RPL24: variants seen among roughly 807,000 people sequenced by gnomAD.
RPL24 encodes the protein ribosomal protein L24, also known as large ribosomal subunit protein eL24.
Under a neutral mutation model 26.4 loss-of-function variants are expected in RPL24, and 7 were observed. The ratio of observed to expected loss-of-function variants is 0.27; its 90% confidence interval spans 0.15 to 0.50. The LOEUF (loss-of-function observed/expected upper bound fraction) is 0.50. Ranked by LOEUF, RPL24 falls within the 20% of genes least tolerant of loss-of-function variation. The pLI is 0.98. For synonymous variants in RPL24, 67 were observed against 65.2 expected, an observed-to-expected ratio of 1.03 and a Z score of -0.13; for missense variants, 109 against 194.9, an observed-to-expected ratio of 0.56 and a Z score of 2.62.
chr3:101,683,834 C>A (rs1019048581), intron 3 of RPL24, among the ~76,000 whole-genome samples: 2 of 151,696 alleles, frequency 1.3e-5, no homozygotes, highest in African/African-American at 4.8e-5. Context: ...GCCTCAGCCT[C>A]CTGAGTAGCT....
chr3:101,681,329 G>T, intron 5 of RPL24, 114 bp from the exon 6 acceptor site: 1 of 717,138 alleles, frequency 1.4e-6, no homozygotes, highest in Admixed American at 2.3e-5. Flanking sequence ...TAATTTAACT[G>T]CATTCCTAAT....
intron 2 of RPL24, chr3:101,686,165 G>C (rs890058308): frequency 3.5e-6 from 2 of 577,450 alleles, no homozygotes; most frequent in Non-Finnish European, 6.2e-6. Context: ...GCAAAGGACA[G>C]GGTGGTGCGT....
chr3:101,681,381 A>T, intron 5 of RPL24, 166 bp from the exon 6 acceptor site: 1 of 605,030 alleles, frequency 1.7e-6, no homozygotes, highest in Admixed American at 3.0e-5. Context: ...TTTAAAGCCC[A>T]TCTTTACAAT....
At chr3:101,683,902 G>C (rs989101973) in intron 3 of RPL24, among the ~76,000 whole-genome samples, 1 of 151,756 alleles carries the variant, frequency 6.6e-6, no homozygotes, top group Non-Finnish European at 1.5e-5. Context: ...AGTAGAAACC[G>C]GGTTCCACCA....
At position 101,686,593 on chromosome 3, in the gene RPL24, T is replaced by C. The variant is rs777936362; in HGVS notation, c.6-36A>G. 4.3e-6 allele frequency: 7 copies of C among 1,614,014 alleles called. No homozygotes were observed. In the South Asian group the frequency reaches 7.7e-5, roughly 18 times the overall value. On this transcript the variant is annotated intron_variant, in intron 1 of 5. Coordinates refer to ENST00000394077, the MANE Select transcript of RPL24 (RefSeq NM_000986.4). ...AAGTGAAAGTCCATCAGGGAGGGTG[T>C]CTACAGCCATGCCAGGGACGACAGA...
intron 3 of RPL24, among the ~76,000 whole-genome samples, chr3:101,683,640 C>T (rs1937289881): frequency 6.6e-6 from 1 of 151,178 alleles, no homozygotes; most frequent in Non-Finnish European, 1.5e-5. Flanking sequence ...CAAACGAACA[C>T]TTAAACATTT....
At chr3:101,685,633 G>C (rs1221891055) in intron 3 of RPL24, among the ~76,000 whole-genome samples, 185 bp downstream of exon 3, 1 of 152,088 alleles carries the variant, frequency 6.6e-6, no homozygotes, top group African/African-American at 2.4e-5. Context: ...TTTCAACTCG[G>C]TATTGCTACT....
intron 3 of RPL24, among the ~76,000 whole-genome samples, chr3:101,683,707 CTTTTTTTTT>C (rs541871888): frequency 2.3e-5 from 3 of 130,852 alleles, no homozygotes; most frequent in African/African-American, 8.5e-5. Context: ...TTTTTCTTTT[CTTTTTTTTT>C]TTTTTTTTTA....
chr3:101,682,322 G>C (rs1178281353), intron 5 of RPL24, 107 bp downstream of exon 5: 2 of 880,796 alleles, frequency 2.3e-6, no homozygotes, highest in East Asian at 4.9e-5. Context: ...GCTGAGATCA[G>C]ATCACGCCAC....
chr3:101,684,877 C>CTT (rs55805152), intron 3 of RPL24, among the ~76,000 whole-genome samples: 16,826 of 133,682 alleles, frequency 0.13, 1,092 homozygotes, highest in Admixed American at 0.17. Flanking sequence ...ATCTAAATAA[C>CTT]TTTTTTTTTT....
At chr3:101,681,251 T>C in intron 5 of RPL24, 36 bp from the exon 6 acceptor site, 1 of 1,444,194 alleles carries the variant, frequency 6.9e-7, no homozygotes, top group Non-Finnish European at 9.7e-7. Flanking sequence ...TCCACAAAAC[T>C]TTTGTTACCC....
At chr3:101,683,223 T>C (rs1167086278) in intron 3 of RPL24, among the ~76,000 whole-genome samples, 1 of 151,930 alleles carries the variant, frequency 6.6e-6, no homozygotes, top group Non-Finnish European at 1.5e-5. Flanking sequence ...TTGAAAAAAA[T>C]TATCATATTC....
chr3:101,682,952 G>C (rs1449854811), intron 3 of RPL24, 45 bp from the exon 4 acceptor site: 1 of 1,558,128 alleles, frequency 6.4e-7, no homozygotes, highest in South Asian at 1.2e-5. Context: ...CTTCCTTCAA[G>C]AATTTAGAGG....
At chr3:101,684,776 C>CCAAAAAAAAAAAAAAAAAAAAAAAA (rs1205904118) in intron 3 of RPL24, among the ~76,000 whole-genome samples, 1 of 53,216 alleles carries the variant, frequency 1.9e-5, no homozygotes, top group East Asian at 7.1e-4. Flanking sequence ...CCTGTCTCCC[C>CCAAAAAAAAAAAAAAAAAAAAAAAA]AAAAAAAAAA....
At chr3:101,685,175 GT>G (rs71625595) in intron 3 of RPL24, among the ~76,000 whole-genome samples, 2,356 of 145,370 alleles carry the variant, frequency 0.016, 29 homozygotes, top group African/African-American at 0.045. Context: ...TGTAATTCCT[GT>G]TTTTTTTTTT....
At chr3:101,682,740 G>A (rs2108338071) in intron 4 of RPL24, 31 bp downstream of exon 4, 2 of 1,606,240 alleles carry the variant, frequency 1.2e-6, no homozygotes, top group South Asian at 1.1e-5. Context: ...ATCCGAATAG[G>A]TAAAATGCTC....
At chr3:101,682,934 T>C in intron 3 of RPL24, 27 bp from the exon 4 acceptor site, 2 of 1,591,772 alleles carry the variant, frequency 1.3e-6, no homozygotes, top group Non-Finnish European at 1.7e-6. Context: ...AGGGGCACAC[T>C]TAGGAACCTT....
At chr3:101,682,231 T>A (rs1324046474) in intron 5 of RPL24, 198 bp downstream of exon 5, 2 of 557,032 alleles carry the variant, frequency 3.6e-6, no homozygotes, top group African/African-American at 3.8e-5. Context: ...CCGGGCGTGA[T>A]GGCGCGCACC....
rs185919911 is a variant in RPL24, at chr3:101,684,441, T to C, written c.192+1377A>G. Among the ~76,000 whole-genome samples the C allele has an allele frequency of 3.0e-4, 46 of 152,276 alleles. No homozygotes were observed. The East Asian group carries it at 7.7e-3, about 26-fold the overall frequency. ...TTTTGGCCTCCCAAAGTGCTGGGAT[T>C]ACAGGCATGTAAGCCACCATGCCCA... is the stretch of plus-strand genomic sequence containing the variant. On this transcript the variant is annotated intron_variant, in intron 3 of 5. Coordinates refer to ENST00000394077, the MANE Select transcript of RPL24 (RefSeq NM_000986.4).
Sources: gnomAD v4.1 joint callset for allele counts (sites outside exome capture counted in the v4.1 genomes callset) on GRCh38, gnomAD v4.1.1 for gene constraint, MANE v1.5 for transcripts, NCBI Gene and HGNC (gene_info 2026-07-23, HGNC 2026-07-21) for gene names.